Variants in CLTCL1 observed in about 807,000 individuals in gnomAD.
CLTCL1 encodes the protein clathrin heavy chain 2.
A neutral mutation model predicts 190.0 loss-of-function variants in CLTCL1; 159 were observed. The observed-to-expected ratio is 0.84, with a 90% CI of 0.74 to 0.95. The LOEUF (loss-of-function observed/expected upper bound fraction) is 0.95. Among genes scored for constraint, CLTCL1 ranks in the 40% least tolerant of loss-of-function variants. The pLI, the probability that CLTCL1 is intolerant of heterozygous loss-of-function variation, is 0.00. For synonymous variants in CLTCL1, 752 were observed against 769.6 expected (o/e 0.98, Z 0.38); for missense variants, 1,878 against 2,033.4 (o/e 0.92, Z 1.47).
At chr22:19,221,734 G>C in intron 16 of CLTCL1, 123 bp from the exon 17 acceptor site, 1 of 1,024,074 alleles carries the variant, frequency 9.8e-7, no homozygotes, top group Non-Finnish European at 1.4e-6. Flanking sequence ...ACTTCAGGTT[G>C]CTCTAGGGAC....
intron 19 of CLTCL1, among the ~76,000 whole-genome samples, chr22:19,215,721 G>C (rs949621765): frequency 5.3e-5 from 8 of 152,202 alleles, no homozygotes; most frequent in Non-Finnish European, 1.0e-4. Context: ...CCTGATACAT[G>C]CCCAGATCTG....
At chr22:19,281,294 C>CAAAAAAA (rs361827) in intron 1 of CLTCL1, among the ~76,000 whole-genome samples, 1 of 116,500 alleles carries the variant, frequency 8.6e-6, no homozygotes, top group African/African-American at 3.3e-5. Context: ...GACCCTGTCT[C>CAAAAAAA]AAAAAAAAAA....
intron 10 of CLTCL1, among the ~76,000 whole-genome samples, chr22:19,230,280 T>C (rs2085881103): frequency 6.6e-6 from 1 of 152,026 alleles, no homozygotes; most frequent in African/African-American, 2.4e-5. Context: ...ATTTTTCTAT[T>C]TTTAGTAGAG....
chr22:19,219,139 T>A (rs2085482676), intron 18 of CLTCL1, among the ~76,000 whole-genome samples: 1 of 152,028 alleles, frequency 6.6e-6, no homozygotes, highest in South Asian at 2.1e-4. Flanking sequence ...GGGGAGAAGG[T>A]TCGTAAGGAC....
At chr22:19,182,252 C>T (rs1376486559) in intron 30 of CLTCL1, 1 of 152,344 alleles carries the variant, frequency 6.6e-6, no homozygotes, top group Non-Finnish European at 1.5e-5. Flanking sequence ...GCACACCACA[C>T]ACTGCATACC....
intron 7 of CLTCL1, among the ~76,000 whole-genome samples, 196 bp from the exon 8 acceptor site, chr22:19,233,818 G>A (rs2085992683): frequency 6.6e-6 from 1 of 152,186 alleles, no homozygotes; most frequent in Admixed American, 6.5e-5. Context: ...AGGTCCTCCA[G>A]GTGGCTTCAC....
At chr22:19,286,515 G>A (rs2087911736) in intron 1 of CLTCL1, among the ~76,000 whole-genome samples, 1 of 152,146 alleles carries the variant, frequency 6.6e-6, no homozygotes, top group African/African-American at 2.4e-5. Flanking sequence ...TTCACAAAAT[G>A]AGATAGCTAC....
At chr22:19,246,200 C>T (rs529930556) in intron 3 of CLTCL1, among the ~76,000 whole-genome samples, 131 of 150,826 alleles carry the variant, frequency 8.7e-4, no homozygotes, top group African/African-American at 3.1e-3. Flanking sequence ...GCTGGGACTA[C>T]AGGCGCCTGC....
chr22:19,229,802 G>A, intron 11 of CLTCL1, 36 bp downstream of exon 11: 2 of 1,563,982 alleles, frequency 1.3e-6, no homozygotes, highest in South Asian at 2.4e-5. Flanking sequence ...TGCCACAGGT[G>A]CTCTGCCTCT....
chr22:19,180,069 A>G (rs1247687220), intron 32 of CLTCL1, 100 bp from the exon 33 acceptor site: 1 of 790,118 alleles, frequency 1.3e-6, no homozygotes, highest in South Asian at 1.6e-5. Context: ...AGCAGGGTCT[A>G]TAGGACCAGC....
intron 21 of CLTCL1, 96 bp from the exon 22 acceptor site, chr22:19,208,407 C>T: frequency 7.0e-7 from 1 of 1,419,562 alleles, no homozygotes; most frequent in Non-Finnish European, 9.7e-7. Flanking sequence ...ACACATTTAC[C>T]CTCCAGTTAT....
chr22:19,242,752 G>A lies in CLTCL1; in HGVS notation c.681+23C>T, dbSNP rs782694476. Reference sequence around the variant, plus strand: ...CAGCTCATGACACTTTTCTCAGGGAGAAGACAGTAGAGTGGATCTTACCTT... The same window carrying A: ...CAGCTCATGACACTTTTCTCAGGGAAAAGACAGTAGAGTGGATCTTACCTT... On this transcript the variant is annotated intron_variant, in intron 4 of 32. Transcript: ENST00000427926. 9.3e-6 allele frequency: 15 copies of A among 1,613,560 alleles called. No individual in the cohort carries two copies. The Admixed American group carries it at 1.5e-4, about 16-fold the overall frequency.
chr22:19,236,944 G>A (rs1297470548), intron 5 of CLTCL1, among the ~76,000 whole-genome samples: 1 of 151,980 alleles, frequency 6.6e-6, no homozygotes, highest in Non-Finnish European at 1.5e-5. Flanking sequence ...AATTCCAGAT[G>A]GGTCAAAGAT....
chr22:19,256,600 C>T (rs1282454887), intron 2 of CLTCL1, among the ~76,000 whole-genome samples: 5 of 151,896 alleles, frequency 3.3e-5, no homozygotes, highest in African/African-American at 4.8e-5. Flanking sequence ...TCAAGTGAGT[C>T]GCCTGCCTCA....
chr22:19,205,277 A>C (rs984926092), intron 22 of CLTCL1, among the ~76,000 whole-genome samples: 1 of 152,168 alleles, frequency 6.6e-6, no homozygotes, highest in East Asian at 1.9e-4. Context: ...TGGGAGGCTG[A>C]GGCGGGTGGA....
At chr22:19,249,837 C>A in intron 3 of CLTCL1, 1 of 380,166 alleles carries the variant, frequency 2.6e-6, no homozygotes, top group South Asian at 2.0e-5. Flanking sequence ...TGTTCACAAA[C>A]CATCAAAGCT....
chr22:19,280,437 C>T (rs998285347), intron 1 of CLTCL1, among the ~76,000 whole-genome samples: 1 of 151,728 alleles, frequency 6.6e-6, no homozygotes, highest in Non-Finnish European at 1.5e-5. Context: ...TATACACATG[C>T]AATAGGAGTA....
chr22:19,223,930 GCT>G lies in CLTCL1; in HGVS notation c.2251_2252del (p.Ser751GlnfsTer28). 1 of 1,613,920 alleles carries G rather than the reference GCT, an allele frequency of 6.2e-7. No homozygotes were observed. The highest frequency in any genetic ancestry group is 8.5e-7 in the Non-Finnish European group (1 of 1,179,886). ...TCACACGCTCTGGGTTGTAGCAGCT[GCT>G]CTCTCGGCATATCCTCTCCACCTCC... ...IKEVERICRESSCYNPERVKN... is the reference protein window; with the variant it reads ...IKEVERICREXSCYNPERVKN... On this transcript the variant is annotated frameshift_variant, in exon 14 of 33. Coordinates refer to ENST00000427926, the MANE Select transcript of CLTCL1 (RefSeq NM_007098.4). LOFTEE classifies it high-confidence loss of function.
intron 2 of CLTCL1, among the ~76,000 whole-genome samples, chr22:19,261,071 C>G (rs533080571): frequency 6.6e-6 from 1 of 151,940 alleles, no homozygotes; most frequent in East Asian, 1.9e-4. Flanking sequence ...ATCCGTGGAT[C>G]AAAGAGTAAT....
Sources: gnomAD v4.1 joint callset for allele counts (sites outside exome capture counted in the v4.1 genomes callset) on GRCh38, gnomAD v4.1.1 for gene constraint, MANE v1.5 for transcripts, NCBI Gene and HGNC (gene_info 2026-07-23, HGNC 2026-07-21) for gene names.